The following POSTN variants were observed in gnomAD, a reference collection of about 807,000 sequenced individuals.
POSTN encodes osteoblast specific factor 2 (fasciclin I-like).
A neutral mutation model predicts 104.5 loss-of-function variants in POSTN; 71 were observed. The observed-to-expected ratio is 0.68, with a 90% confidence interval of 0.56 to 0.83. The LOEUF (loss-of-function observed/expected upper bound fraction) is 0.83, where lower values mean the gene tolerates loss of function less well. POSTN is among the 40% of genes least tolerant of loss of function. POSTN has a pLI of 0.00. For missense variants in POSTN, 949 were observed against 1,006.8 expected, an observed-to-expected ratio of 0.94 and a Z score of 0.78; for synonymous variants, 355 against 340.7, an observed-to-expected ratio of 1.04 and a Z score of -0.46.
intron 21 of POSTN, chr13:37,565,137 C>T (rs996839815): frequency 6.6e-6 from 1 of 151,994 alleles, no homozygotes; most frequent in Admixed American, 6.6e-5. Context: ...CACCTCCCAA[C>T]CTGATTCAGT....
chr13:37,579,927 T>C lies in POSTN; in HGVS notation c.1594A>G (p.Thr532Ala). 6.2e-7 allele frequency: 1 copy of C among 1,613,476 alleles called. No individual in the cohort carries two copies. The highest frequency in any genetic ancestry group is 8.5e-7 in the Non-Finnish European group (1 of 1,179,410). Residue 532 changes from threonine to alanine, a missense_variant, in exon 12 of 23, where the codon ACA becomes GCA. Thr to Ala is a moderately conservative substitution (Grantham distance 58). Transcript: ENST00000379747. ...KELLTQPGDWTLFVPTNDAFK... is the reference protein window; with the variant it reads ...KELLTQPGDWALFVPTNDAFK... ...GCATCATTGGTTGGCACAAATAATGTCCAGTCTCCAGGTTGTGTCAGGAGC... is the reference window on the plus strand; with the variant it reads ...GCATCATTGGTTGGCACAAATAATGCCCAGTCTCCAGGTTGTGTCAGGAGC...
In POSTN at chr13:37,569,361, G is replaced by T; in HGVS notation, c.2370C>A (p.Phe790Leu). Residue 790 changes from phenylalanine (F) to leucine (L), a missense_variant, in exon 21 of 23, where the codon TTC becomes TTA. Transcript: ENST00000379747. Reference protein sequence around the residue: ...LQEEVTKVTKFIEGGDGHLFE... With the variant: ...LQEEVTKVTKLIEGGDGHLFE... ...ATAAATGACCATCACCACCTTCAAT[G>T]AATTTGGTGACCTTGGTGACCTCTG... 1 of 1,612,712 alleles carries T rather than the reference G, an allele frequency of 6.2e-7. No individual in the cohort carries two copies. Among genetic ancestry groups the T allele is most frequent in the South Asian group, 1.1e-5 (1 of 91,038 alleles).
At position 37,579,879 on chromosome 13, in the gene POSTN, C is replaced by A; in HGVS notation, c.1642G>T (p.Glu548Ter). The A allele has an allele frequency of 6.2e-7, 1 of 1,609,628 alleles. No individual in the cohort carries two copies. Among genetic ancestry groups the A allele is most frequent in the Non-Finnish European group, 8.5e-7 (1 of 1,178,686 alleles). ...NDAFKGMTSE[E>*]KEILIRDKNA... ...CACTTACGTATCAGAATTTCTTTTT[C>A]TTCACTAGTCATTCCCTTAAAAGCA... Residue 548 changes from glutamate to a stop codon, truncating the protein, a stop_gained, in exon 12 of 23, where the codon GAA becomes TAA. Coordinates refer to ENST00000379747, the MANE Select transcript of POSTN (RefSeq NM_006475.3). LOFTEE classifies it high-confidence loss of function.
At chr13:37,582,118 A>G (rs1950607729) in intron 10 of POSTN, among the ~76,000 whole-genome samples, 1 of 152,240 alleles carries the variant, frequency 6.6e-6, no homozygotes, top group Non-Finnish European at 1.5e-5. Flanking sequence ...ATTTAAAATA[A>G]TTGATGCTCT....
intron 1 of POSTN, among the ~76,000 whole-genome samples, chr13:37,598,256 A>G (rs1189501765): frequency 6.6e-6 from 1 of 152,142 alleles, no homozygotes; most frequent in Non-Finnish European, 1.5e-5. Context: ...GTTCCTAACA[A>G]TAGATTTTTT....
At chr13:37,589,081 C>A (rs140544024) in intron 4 of POSTN, among the ~76,000 whole-genome samples, 648 of 152,058 alleles carry the variant, frequency 4.3e-3, no homozygotes, top group African/African-American at 6.5e-3. Flanking sequence ...ACAAAAAAAA[C>A]CAATTATTTA....
intron 2 of POSTN, among the ~76,000 whole-genome samples, chr13:37,595,857 C>T (rs1382471240): frequency 8.1e-5 from 12 of 148,864 alleles, no homozygotes; most frequent in Non-Finnish European, 1.0e-4. Context: ...GTTGCCCACT[C>T]GGGAGTGCAG....
rs78662411 is a variant in POSTN at position 37,569,205 on chromosome 13, C to T, written c.2431+95G>A. 6,691 of 793,534 alleles carry T rather than the reference C, an allele frequency of 8.4e-3. 320 individuals are homozygous for T. The African/African-American group carries it at 0.1, about 12-fold the overall frequency. 49.2% of individuals were successfully genotyped at this position (793,534 alleles called of 1,614,324 possible). ...GATGTTGTCTTTTTTTTTTTTAACC[C>T]AATTAAAAGAAAAAATCTGCTTGCT... is the stretch of plus-strand genomic sequence containing the variant. On this transcript the variant is annotated intron_variant, in intron 21 of 22. Transcript: ENST00000379747.
intron 9 of POSTN, 57 bp downstream of exon 9, chr13:37,583,912 C>A: frequency 1.3e-6 from 2 of 1,552,880 alleles, no homozygotes; most frequent in South Asian, 1.2e-5. Flanking sequence ...AAACAATCAT[C>A]ATAAAGAAAA....
chr13:37,592,052 T>C (rs749785776), intron 3 of POSTN, 48 bp downstream of exon 3: 1 of 1,387,678 alleles, frequency 7.2e-7, no homozygotes, highest in South Asian at 1.2e-5. Context: ...ACCTCAACCC[T>C]TTCTTTGCAT....
At chr13:37,574,225 A>G (rs1047117185) in intron 17 of POSTN, among the ~76,000 whole-genome samples, 4 of 151,642 alleles carry the variant, frequency 2.6e-5, no homozygotes, top group African/African-American at 4.8e-5. Flanking sequence ...GAGATTGCAA[A>G]CAAAGCAACA....
In POSTN at chr13:37,583,872, C is replaced by T. The variant is rs535841566; in HGVS notation, c.1243+97G>A. 6.3e-6 allele frequency: 9 copies of T among 1,429,238 alleles called. No individual in the cohort carries two copies. In the African/African-American group the frequency reaches 8.5e-5, roughly 13 times the overall value. The allele number at this position is 1,429,238 out of a possible 1,614,324, so 88.5% of individuals were successfully genotyped here. A position where few individuals can be genotyped will look rare whatever the true frequency, so the allele number is the denominator to read the frequency against. On this transcript the variant is annotated intron_variant, in intron 9 of 22. Coordinates refer to ENST00000379747, the MANE Select transcript of POSTN (RefSeq NM_006475.3). ...TAGCCAATGCAGAAACTAATCAACA[C>T]CTCCTAAAACATTTATTGTTTCTTA...
intron 15 of POSTN, among the ~76,000 whole-genome samples, chr13:37,578,363 G>A (rs1950475457): frequency 1.3e-5 from 2 of 152,100 alleles, no homozygotes; most frequent in Non-Finnish European, 2.9e-5. Context: ...AAGAAATGAT[G>A]CCATTTCTTT....
chr13:37,574,709 T>C, intron 16 of POSTN, 57 bp from the exon 17 acceptor site: 1 of 607,740 alleles, frequency 1.6e-6, no homozygotes, highest in South Asian at 3.2e-5. Flanking sequence ...TGAACAAAGG[T>C]TTTTTTTTTT....
intron 1 of POSTN, 62 bp from the exon 2 acceptor site, chr13:37,597,344 A>G: frequency 9.3e-7 from 1 of 1,073,530 alleles, no homozygotes; most frequent in Non-Finnish European, 1.4e-6. Flanking sequence ...TTTCGTATCT[A>G]AAGATTGGTT....
chr13:37,591,299 A>G (rs576948135), intron 3 of POSTN, among the ~76,000 whole-genome samples: 5 of 152,206 alleles, frequency 3.3e-5, no homozygotes, highest in African/African-American at 7.2e-5. Flanking sequence ...TATGTAAAAA[A>G]AACTGTAATC....
intron 18 of POSTN, chr13:37,571,024 C>A (rs1390675113): frequency 3.4e-6 from 1 of 292,542 alleles, no homozygotes; most frequent in African/African-American, 2.2e-5. Context: ...TAGACAGAGA[C>A]TTATACAATG....
chr13:37,577,657 C>G, intron 16 of POSTN, 96 bp downstream of exon 16: 1 of 1,469,884 alleles, frequency 6.8e-7, no homozygotes, highest in Middle Eastern at 2.1e-4. Context: ...ATTCTAAATA[C>G]CAGATTATCA....
chr13:37,567,892 C>A (rs1215748160), intron 21 of POSTN, among the ~76,000 whole-genome samples: 1 of 152,032 alleles, frequency 6.6e-6, no homozygotes, highest in Non-Finnish European at 1.5e-5. Context: ...AATATACTTA[C>A]CTGAAATTTA....
Sources: allele counts gnomAD v4.1 joint callset (sites outside exome capture counted in the v4.1 genomes callset), GRCh38; gene constraint gnomAD v4.1.1; transcripts MANE v1.5; gene names NCBI Gene and HGNC (gene_info 2026-07-23, HGNC 2026-07-21).